Variants in CDK14 observed in about 807,000 individuals in gnomAD.
The protein encoded by CDK14 is cyclin-dependent kinase 14.
A neutral mutation model predicts 60.7 loss-of-function variants in CDK14; 34 were observed. That is an observed-to-expected ratio of 0.56 (90% confidence interval 0.43 to 0.75). The LOEUF (loss-of-function observed/expected upper bound fraction) is 0.75. CDK14 is among the 30% of genes least tolerant of loss of function. CDK14 has a pLI of 0.00. For missense variants in CDK14, 482 were observed against 564.1 expected (o/e 0.85, Z 1.47); for synonymous variants, 197 against 203.7 (o/e 0.97, Z 0.28).
chr7:90,933,072 G>C (rs975235839), intron 8 of CDK14, among the ~76,000 whole-genome samples: 2 of 152,076 alleles, frequency 1.3e-5, no homozygotes, highest in Admixed American at 1.3e-4. Context: ...GGGCATGATG[G>C]CTCATGTCTG....
At chr7:91,187,648 AGAAAG>A (rs1802231767) in intron 14 of CDK14, among the ~76,000 whole-genome samples, 1 of 152,174 alleles carries the variant, frequency 6.6e-6, no homozygotes, top group Non-Finnish European at 1.5e-5. Flanking sequence ...AATAGGCAAA[AGAAAG>A]AGAAAGGAGA....
At chr7:90,693,291 A>T (rs1801593255) in intron 2 of CDK14, among the ~76,000 whole-genome samples, 1 of 152,188 alleles carries the variant, frequency 6.6e-6, no homozygotes, top group African/African-American at 2.4e-5. Flanking sequence ...ATTGAACAGA[A>T]GTTGTATAAG....
chr7:90,675,946 A>C (rs1801190510), intron 2 of CDK14, among the ~76,000 whole-genome samples: 1 of 152,230 alleles, frequency 6.6e-6, no homozygotes, highest in Admixed American at 6.5e-5. Flanking sequence ...GGGGATGGCA[A>C]AGAGCCTTCA....
rs139711407 is a variant in CDK14 at position 91,073,474 on chromosome 7, G to A, written c.1106-5958G>A. Among the ~76,000 whole-genome samples, 660 of 152,180 alleles carry A rather than the reference G, an allele frequency of 4.3e-3. 4 individuals carry two copies. The highest frequency in any genetic ancestry group is 0.015 in the African/African-American group (636 of 41,506). On this transcript the variant is annotated intron_variant, in intron 11 of 14. Transcript: ENST00000380050. Reference sequence around the variant, plus strand: ...TGCTGAGGGATTTTTTCACCACCAGGCCTGTCTTGCAAGAGCTCCTGAAGG... The same window carrying A: ...TGCTGAGGGATTTTTTCACCACCAGACCTGTCTTGCAAGAGCTCCTGAAGG...
At chr7:90,814,592 G>T (rs1246355930) in intron 5 of CDK14, among the ~76,000 whole-genome samples, 1 of 151,988 alleles carries the variant, frequency 6.6e-6, no homozygotes, top group Non-Finnish European at 1.5e-5. Context: ...GACCAGCCTG[G>T]CCAACATGGT....
At chr7:90,806,195 T>A (rs755633787) in intron 5 of CDK14, among the ~76,000 whole-genome samples, 1 of 152,154 alleles carries the variant, frequency 6.6e-6, no homozygotes, top group Non-Finnish European at 1.5e-5. Context: ...GAAGGAAATC[T>A]GGTAGAAAAT....
At chr7:91,079,380 A>G (rs1798416104) in intron 11 of CDK14, 52 bp from the exon 12 acceptor site, 5 of 1,220,124 alleles carry the variant, frequency 4.1e-6, no homozygotes, top group South Asian at 1.3e-5. Flanking sequence ...ACATACTTGT[A>G]ATATATACAT....
At chr7:90,720,137 A>T (rs2116683650) in intron 2 of CDK14, among the ~76,000 whole-genome samples, 1 of 152,336 alleles carries the variant, frequency 6.6e-6, no homozygotes, top group Admixed American at 6.5e-5. Context: ...CCTGTGGAAG[A>T]GATAATCAGG....
At chr7:90,873,939 T>A (rs1227757314) in intron 6 of CDK14, among the ~76,000 whole-genome samples, 2 of 152,200 alleles carry the variant, frequency 1.3e-5, no homozygotes, top group East Asian at 3.8e-4. Flanking sequence ...AATTCAGAAT[T>A]TGATATTTAT....
intron 6 of CDK14, among the ~76,000 whole-genome samples, chr7:90,890,756 C>T (rs116582267): frequency 3.5e-3 from 528 of 152,196 alleles, no homozygotes; most frequent in African/African-American, 0.012. Flanking sequence ...AGAGGTTATA[C>T]CTAGAGGAAA....
intron 14 of CDK14, among the ~76,000 whole-genome samples, chr7:91,182,361 G>C (rs1802030984): frequency 6.6e-6 from 1 of 151,864 alleles, no homozygotes. Context: ...CCACCAATTA[G>C]ATAGATAGGT....
chr7:90,627,731 G>A (rs919585275), intron 2 of CDK14, among the ~76,000 whole-genome samples: 2 of 152,114 alleles, frequency 1.3e-5, no homozygotes, highest in South Asian at 4.1e-4. Flanking sequence ...ACCTAAACAG[G>A]TGCTACTGAA....
At chr7:90,608,453 A>G (rs893586735) in intron 2 of CDK14, 1 of 446,168 alleles carries the variant, frequency 2.2e-6, no homozygotes, top group Non-Finnish European at 3.0e-6. Flanking sequence ...TGATAGCTAC[A>G]GCAATTCATG....
intron 6 of CDK14, among the ~76,000 whole-genome samples, chr7:90,880,459 A>T (rs919196125): frequency 6.6e-6 from 1 of 152,130 alleles, no homozygotes; most frequent in Non-Finnish European, 1.5e-5. Flanking sequence ...CCCTAGGGGG[A>T]GGAGTGGCCG....
At chr7:90,827,606 G>A (rs185712097) in intron 5 of CDK14, among the ~76,000 whole-genome samples, 2 of 152,260 alleles carry the variant, frequency 1.3e-5, no homozygotes, top group East Asian at 3.9e-4. Flanking sequence ...CTGCAGAAAC[G>A]CCAACCTGTC....
At chr7:90,626,994 A>C (rs1799889837) in intron 2 of CDK14, among the ~76,000 whole-genome samples, 1 of 152,052 alleles carries the variant, frequency 6.6e-6, no homozygotes, top group Non-Finnish European at 1.5e-5. Flanking sequence ...AAAACAAAAA[A>C]AGAAAAGTAA....
At chr7:90,661,078 A>G (rs7795223) in intron 2 of CDK14, among the ~76,000 whole-genome samples, 46,424 of 152,024 alleles carry the variant, frequency 0.31, 7,975 homozygotes, top group East Asian at 0.67. Context: ...CATTCGTCAT[A>G]TGGTTATTCC....
chr7:90,811,996 G>C (rs1268253060), intron 5 of CDK14, among the ~76,000 whole-genome samples: 1 of 152,162 alleles, frequency 6.6e-6, no homozygotes, highest in Non-Finnish European at 1.5e-5. Context: ...TGGAGAAATA[G>C]GAACACTTTT....
intron 7 of CDK14, among the ~76,000 whole-genome samples, chr7:90,914,532 C>T (rs983088866): frequency 6.6e-6 from 1 of 152,126 alleles, no homozygotes; most frequent in African/African-American, 2.4e-5. Flanking sequence ...TTAATAAACC[C>T]TAAGTGAATT....
Sources: allele counts gnomAD v4.1 joint callset (sites outside exome capture counted in the v4.1 genomes callset), GRCh38; gene constraint gnomAD v4.1.1; transcripts MANE v1.5; gene names NCBI Gene and HGNC (gene_info 2026-07-23, HGNC 2026-07-21).